The following CDIN1 variants were observed in gnomAD, a reference collection of about 807,000 sequenced individuals.
The protein encoded by CDIN1 is CDAN1-interacting nuclease 1.
Under a neutral mutation model 45.3 loss-of-function variants are expected in CDIN1, and 33 were observed. The observed-to-expected ratio is 0.73, with a 90% CI of 0.55 to 0.97. The LOEUF (loss-of-function observed/expected upper bound fraction) is 0.97. Ranked by LOEUF, CDIN1 falls within the 50% of genes least tolerant of loss-of-function variation. The pLI, the probability that CDIN1 is intolerant of heterozygous loss-of-function variation, is 0.00. For missense variants in CDIN1, 303 were observed against 339.4 expected, an observed-to-expected ratio of 0.89 and a Z score of 0.84; for synonymous variants, 118 against 124.4, an observed-to-expected ratio of 0.95 and a Z score of 0.34.
At chr15:36,734,262 C>A in intron 10 of CDIN1, 2 of 250,522 alleles carry the variant, frequency 8.0e-6, no homozygotes, top group Non-Finnish European at 8.2e-6. Flanking sequence ...TCAGAAATAT[C>A]AGTGCATATG....
At chr15:36,686,199 G>A (rs1400477810) in intron 5 of CDIN1, among the ~76,000 whole-genome samples, 2 of 151,966 alleles carry the variant, frequency 1.3e-5, no homozygotes, top group East Asian at 3.9e-4. Flanking sequence ...AGAAAATGTG[G>A]CACATATACA....
intron 3 of CDIN1, among the ~76,000 whole-genome samples, chr15:36,651,073 T>TA (rs200050337): frequency 2.3e-4 from 34 of 150,268 alleles, no homozygotes; most frequent in African/African-American, 7.8e-4. Context: ...AAAAAAAAAA[T>TA]AAAAAAAAAT....
chr15:36,672,937 CTAAT>C (rs1198035877), intron 5 of CDIN1, among the ~76,000 whole-genome samples: 2 of 151,932 alleles, frequency 1.3e-5, no homozygotes, highest in African/African-American at 4.8e-5. Flanking sequence ...GACAAGTATA[CTAAT>C]TACTCTCTTT....
chr15:36,674,422 A>C (rs2140561366), intron 5 of CDIN1, among the ~76,000 whole-genome samples: 1 of 152,286 alleles, frequency 6.6e-6, no homozygotes, highest in Non-Finnish European at 1.5e-5. Flanking sequence ...AAAAACAGAA[A>C]GGAATAGCTT....
chr15:36,734,378 CTAGT>C (rs1244168989), intron 10 of CDIN1: 1 of 428,062 alleles, frequency 2.3e-6, no homozygotes, highest in East Asian at 7.2e-5. Context: ...TATTCCTTCC[CTAGT>C]TACTTTAACT....
chr15:36,757,943 T>C (rs1204258042), intron 10 of CDIN1, among the ~76,000 whole-genome samples: 6 of 152,288 alleles, frequency 3.9e-5, no homozygotes, highest in Admixed American at 3.9e-4. Flanking sequence ...ACTTTTATTA[T>C]AGTATATTGT....
In CDIN1 at chr15:36,658,082, A is replaced by G. The variant is rs79877354; in HGVS notation, c.346+177A>G. Among the ~76,000 whole-genome samples, 81 of 152,332 alleles carry G rather than the reference A, an allele frequency of 5.3e-4. 1 individual carries two copies. The East Asian group carries it at 0.015, about 28-fold the overall frequency. On this transcript the variant is annotated intron_variant, in intron 5 of 10. Transcript: ENST00000566621. The stretch of plus-strand genomic sequence containing the variant: ...ACCCACAACTTAAATACTCTTCAGA[A>G]TAATGCTCTCTTCTTTGTCTAAATT...
intron 7 of CDIN1, among the ~76,000 whole-genome samples, chr15:36,692,997 A>G (rs377002333): frequency 6.6e-6 from 1 of 152,290 alleles, no homozygotes; most frequent in African/African-American, 2.4e-5. Context: ...ACCCCTCTTA[A>G]TAATATAAAC....
intron 3 of CDIN1, among the ~76,000 whole-genome samples, chr15:36,651,759 G>C (rs1383131501): frequency 6.6e-6 from 1 of 152,092 alleles, no homozygotes. Flanking sequence ...CTGGGGTTTG[G>C]TTTCTTTATA....
chr15:36,671,633 T>A (rs1389533960), intron 5 of CDIN1, among the ~76,000 whole-genome samples: 1 of 152,104 alleles, frequency 6.6e-6, no homozygotes, highest in Admixed American at 6.6e-5. Flanking sequence ...TAGATCAAAA[T>A]CGTTACTCAG....
At chr15:36,584,265 C>T (rs944105677) in intron 1 of CDIN1, among the ~76,000 whole-genome samples, 1 of 152,108 alleles carries the variant, frequency 6.6e-6, no homozygotes, top group African/African-American at 2.4e-5. Context: ...GAGACCCTGT[C>T]TCTTCAAAAA....
intron 10 of CDIN1, chr15:36,756,109 G>A (rs999392584): frequency 4.6e-5 from 21 of 456,014 alleles, no homozygotes; most frequent in Middle Eastern, 3.3e-4. Flanking sequence ...CGAACATGGT[G>A]AGCTTTATTG....
At chr15:36,794,167 T>C (rs1194953077) in intron 10 of CDIN1, among the ~76,000 whole-genome samples, 1 of 151,232 alleles carries the variant, frequency 6.6e-6, no homozygotes, top group African/African-American at 2.4e-5. Flanking sequence ...CACTCCATTC[T>C]CCTGCCTCAG....
chr15:36,741,437 G>T (rs2044233957), intron 10 of CDIN1, among the ~76,000 whole-genome samples: 1 of 148,776 alleles, frequency 6.7e-6, no homozygotes, highest in Non-Finnish European at 1.5e-5. Flanking sequence ...TAATTATAAT[G>T]ACAATTTAAT....
chr15:36,582,224 G>T (rs1471983027), intron 1 of CDIN1, among the ~76,000 whole-genome samples: 1 of 152,168 alleles, frequency 6.6e-6, no homozygotes, highest in African/African-American at 2.4e-5. Context: ...ATTAATTCAA[G>T]TAAAAATGGT....
chr15:36,779,074 C>T, intron 10 of CDIN1, among the ~76,000 whole-genome samples: 1 of 152,016 alleles, frequency 6.6e-6, no homozygotes, highest in East Asian at 1.9e-4. Context: ...ACAAAATACA[C>T]CATATGTTGT....
At chr15:36,607,286 G>A (rs2038422149) in intron 1 of CDIN1, among the ~76,000 whole-genome samples, 2 of 152,100 alleles carry the variant, frequency 1.3e-5, no homozygotes, top group South Asian at 2.1e-4. Flanking sequence ...CTAGGATTGT[G>A]TTCAATGGAA....
intron 5 of CDIN1, among the ~76,000 whole-genome samples, chr15:36,667,034 A>G (rs1200473361): frequency 1.3e-5 from 2 of 152,184 alleles, no homozygotes; most frequent in Admixed American, 6.5e-5. Context: ...AGCAGTGACA[A>G]TGTGATTCCA....
chr15:36,646,901 T>C (rs111865903), intron 3 of CDIN1, among the ~76,000 whole-genome samples: 1,661 of 152,286 alleles, frequency 0.011, 26 homozygotes, highest in African/African-American at 0.038. Context: ...ACATGATTTT[T>C]AGGATCACTA....
Sources: gnomAD v4.1 joint callset for allele counts (sites outside exome capture counted in the v4.1 genomes callset) on GRCh38, gnomAD v4.1.1 for gene constraint, MANE v1.5 for transcripts, NCBI Gene and HGNC (gene_info 2026-07-23, HGNC 2026-07-21) for gene names.